Variants in DOCK4 observed in about 807,000 individuals in gnomAD.
The protein encoded by DOCK4 is dedicator of cytokinesis 4.
In DOCK4, 97 loss-of-function variants were observed where a neutral mutation model predicts 268.1. That is an observed-to-expected ratio of 0.36 (90% confidence interval 0.31 to 0.43). The LOEUF (loss-of-function observed/expected upper bound fraction) is 0.43, where lower values mean the gene tolerates loss of function less well. Ranked by LOEUF, DOCK4 falls within the 20% of genes least tolerant of loss-of-function variation. The pLI is 1.00. For synonymous variants in DOCK4, 954 were observed against 887.2 expected (o/e 1.08, Z -1.34); for missense variants, 2,145 against 2,455.7 (o/e 0.87, Z 2.67).
At chr7:112,143,627 T>C (rs1586912260) in intron 1 of DOCK4, among the ~76,000 whole-genome samples, 1 of 152,346 alleles carries the variant, frequency 6.6e-6, no homozygotes, top group East Asian at 1.9e-4. Flanking sequence ...GGAGGGCCTC[T>C]TGGAATTCAA....
intron 30 of DOCK4, among the ~76,000 whole-genome samples, chr7:111,799,600 A>G (rs1800126202): frequency 6.6e-6 from 1 of 152,220 alleles, no homozygotes; most frequent in African/African-American, 2.4e-5. Flanking sequence ...GACAGCCCAG[A>G]GGAATGTCCT....
intron 1 of DOCK4, among the ~76,000 whole-genome samples, chr7:112,195,834 T>G (rs1016518784): frequency 6.6e-6 from 1 of 152,164 alleles, no homozygotes; most frequent in Non-Finnish European, 1.5e-5. Flanking sequence ...GTTTCACAAC[T>G]TGGGAGATAA....
intron 12 of DOCK4, among the ~76,000 whole-genome samples, chr7:111,927,112 T>C (rs985593199): frequency 1.2e-4 from 18 of 152,186 alleles, no homozygotes; most frequent in African/African-American, 4.3e-4. Flanking sequence ...GGTCTGACCA[T>C]AGGCTCACTG....
chr7:111,933,240 G>T (rs1319747947), intron 12 of DOCK4, among the ~76,000 whole-genome samples: 16 of 113,666 alleles, frequency 1.4e-4, no homozygotes, highest in African/African-American at 2.7e-4. Context: ...ACATATATAC[G>T]TATATATACA....
intron 35 of DOCK4, 89 bp downstream of exon 35, chr7:111,782,775 G>T: frequency 2.3e-6 from 3 of 1,283,034 alleles, no homozygotes; most frequent in South Asian, 1.2e-5. Flanking sequence ...ACATCACATT[G>T]CAGATTAAAC....
rs1442593817 is a variant in DOCK4, at chr7:111,823,028, G to A, written c.2836-572C>T. ...TGTGCTGTGCACAATACATTCAAAT[G>A]AGGATATGTGCTAAGTCCAGCCCAG... On this transcript the variant is annotated intron_variant, in intron 26 of 52. Transcript: ENST00000428084. Among the ~76,000 whole-genome samples, 7 of 152,208 alleles carry A rather than the reference G, an allele frequency of 4.6e-5. No homozygotes were observed. The South Asian group carries it at 1.2e-3, about 27-fold the overall frequency.
chr7:111,727,532 C>T lies in DOCK4; in HGVS notation c.*742G>A, dbSNP rs1041658757. The T allele has an allele frequency of 2.0e-5, 3 of 152,712 alleles. No individual in the cohort carries two copies. Among genetic ancestry groups the T allele is most frequent in the Admixed American group, 1.3e-4 (2 of 15,284 alleles). The allele number at this position is 152,712 out of a possible 1,614,324, so 9.5% of individuals were successfully genotyped here. ...AAAGGAAGCGCAAAATTCAAGTAAA[C>T]ATTTCTTCTGGAGCCTCTTGCTTAA... On this transcript the variant is annotated 3_prime_UTR_variant, in exon 53 of 53. Coordinates refer to ENST00000428084, the MANE Select transcript of DOCK4 (RefSeq NM_001363540.2).
chr7:112,092,509 G>A (rs374483568), intron 1 of DOCK4, among the ~76,000 whole-genome samples: 2 of 152,026 alleles, frequency 1.3e-5, no homozygotes, highest in African/African-American at 2.4e-5. Context: ...ACGACCTAAC[G>A]GCGCGACAGG....
chr7:111,837,914 T>C (rs1047297808), intron 25 of DOCK4, among the ~76,000 whole-genome samples: 2 of 151,708 alleles, frequency 1.3e-5, no homozygotes, highest in Admixed American at 6.6e-5. Context: ...TGGTGAAACC[T>C]GAGCTCTACT....
intron 1 of DOCK4, among the ~76,000 whole-genome samples, chr7:112,008,373 C>T (rs1801023733): frequency 6.6e-6 from 1 of 152,146 alleles, no homozygotes; most frequent in Non-Finnish European, 1.5e-5. Context: ...CATAGCATAA[C>T]CATTTTGAAA....
intron 36 of DOCK4, among the ~76,000 whole-genome samples, chr7:111,773,674 C>T (rs1798263747): frequency 6.6e-6 from 1 of 152,070 alleles, no homozygotes; most frequent in Admixed American, 6.6e-5. Context: ...ATTTAAATCT[C>T]ACATTGCTAG....
chr7:111,864,799 C>T lies in DOCK4; in HGVS notation c.2281-1235G>A, dbSNP rs76082527. Among the ~76,000 whole-genome samples the T allele has an allele frequency of 7.7e-3, 1,165 of 152,274 alleles. 18 individuals carry two copies. Among genetic ancestry groups the T allele is most frequent in the African/African-American group, 0.027 (1,124 of 41,536 alleles). ...CGTCACCCTGCAGAGCTGAGTCATA[C>T]TGATGAAGTTAAATAAAATGAGCCC... On this transcript the variant is annotated intron_variant, in intron 22 of 52. Coordinates refer to ENST00000428084, the MANE Select transcript of DOCK4 (RefSeq NM_001363540.2).
intron 1 of DOCK4, among the ~76,000 whole-genome samples, chr7:112,065,171 C>T (rs1015866101): frequency 6.6e-5 from 10 of 152,096 alleles, no homozygotes; most frequent in African/African-American, 1.4e-4. Flanking sequence ...AAAACAACTT[C>T]GAACATCTCT....
At chr7:112,118,159 T>C (rs2115839703) in intron 1 of DOCK4, among the ~76,000 whole-genome samples, 1 of 151,364 alleles carries the variant, frequency 6.6e-6, no homozygotes, top group East Asian at 1.9e-4. Context: ...TTTTGTCTCC[T>C]ATATTTTTTT....
intron 13 of DOCK4, among the ~76,000 whole-genome samples, chr7:111,907,144 A>G (rs1699952940): frequency 7.6e-6 from 1 of 131,002 alleles, no homozygotes; most frequent in East Asian, 2.0e-4. Context: ...AACTAATATT[A>G]TATCTCCAAT....
chr7:111,981,281 A>G (rs1022420778), intron 7 of DOCK4, among the ~76,000 whole-genome samples: 3 of 152,234 alleles, frequency 2.0e-5, no homozygotes, highest in Non-Finnish European at 4.4e-5. Flanking sequence ...GGTGCCTCCC[A>G]GCTCTCCCTG....
rs1794656726 is a variant in DOCK4 at position 111,726,434 on chromosome 7, A to G, written c.*1840T>C. 6.6e-6 allele frequency: 1 copy of G among 152,382 alleles called. No homozygotes were observed. The highest frequency in any genetic ancestry group is 2.4e-5 in the African/African-American group (1 of 41,460). 9.4% of individuals were successfully genotyped at this position (152,382 alleles called of 1,614,324 possible). On this transcript the variant is annotated 3_prime_UTR_variant, in exon 53 of 53. Transcript: ENST00000428084. ...ATGGAAGGTTTTACTTCTTTAAAGC[A>G]ACAGAAATATGGAGCTTCACATATA...
chr7:112,107,686 T>C (rs936629290), intron 1 of DOCK4, among the ~76,000 whole-genome samples: 2 of 152,126 alleles, frequency 1.3e-5, no homozygotes, highest in Admixed American at 6.5e-5. Flanking sequence ...AGAGACAACA[T>C]GGATGAAGCA....
At chr7:111,946,125 A>G (rs1795600625) in intron 8 of DOCK4, among the ~76,000 whole-genome samples, 2 of 152,230 alleles carry the variant, frequency 1.3e-5, no homozygotes, top group South Asian at 2.1e-4. Context: ...AAAATATGAC[A>G]TAACATGTTT....
Sources: allele counts gnomAD v4.1 joint callset (sites outside exome capture counted in the v4.1 genomes callset), GRCh38; gene constraint gnomAD v4.1.1; transcripts MANE v1.5; gene names NCBI Gene and HGNC (gene_info 2026-07-23, HGNC 2026-07-21).